The following ARHGAP24 variants were observed in gnomAD, a reference collection of about 807,000 sequenced individuals.
ARHGAP24 encodes Rho GTPase activating protein 24, also known as rho GTPase-activating protein 24.
In ARHGAP24, 50 loss-of-function variants were observed where a neutral mutation model predicts 76.4. The ratio of observed to expected loss-of-function variants is 0.65; its 90% confidence interval spans 0.52 to 0.83. The LOEUF is 0.83. Among genes scored for constraint, ARHGAP24 ranks in the 40% least tolerant of loss-of-function variants. ARHGAP24 has a pLI of 0.00. For missense variants in ARHGAP24, 930 were observed against 914.2 expected, an observed-to-expected ratio of 1.02 and a Z score of -0.22; for synonymous variants, 345 against 323.3, an observed-to-expected ratio of 1.07 and a Z score of -0.72.
chr4:85,700,618 G>A (rs975574545), intron 2 of ARHGAP24, among the ~76,000 whole-genome samples: 1 of 152,042 alleles, frequency 6.6e-6, no homozygotes, highest in African/African-American at 2.4e-5. Flanking sequence ...TGGTTAAAGA[G>A]CTTAGTTCTG....
At chr4:85,766,318 G>A (rs1415300894) in intron 3 of ARHGAP24, among the ~76,000 whole-genome samples, 3 of 152,222 alleles carry the variant, frequency 2.0e-5, no homozygotes, top group South Asian at 2.1e-4. Flanking sequence ...AGAATTTTCT[G>A]TACTTACATA....
intron 5 of ARHGAP24, among the ~76,000 whole-genome samples, chr4:85,965,146 A>G (rs1249994219): frequency 6.6e-6 from 1 of 152,002 alleles, no homozygotes; most frequent in African/African-American, 2.4e-5. Context: ...TTCATGGAGA[A>G]CTCACAGTTC....
At chr4:85,727,252 T>C (rs2110048682) in intron 3 of ARHGAP24, among the ~76,000 whole-genome samples, 1 of 152,078 alleles carries the variant, frequency 6.6e-6, no homozygotes, top group Non-Finnish European at 1.5e-5. Context: ...TGGAGCCTAT[T>C]TTCTGAAATA....
intron 2 of ARHGAP24, among the ~76,000 whole-genome samples, chr4:85,659,941 T>C (rs1722316720): frequency 6.6e-6 from 1 of 152,222 alleles, no homozygotes; most frequent in Non-Finnish European, 1.5e-5. Context: ...ATTCGTTCTC[T>C]GAAATAGCCT....
At chr4:85,503,013 A>G (rs1457119952) in intron 1 of ARHGAP24, among the ~76,000 whole-genome samples, 1 of 152,186 alleles carries the variant, frequency 6.6e-6, no homozygotes, top group South Asian at 2.1e-4. Flanking sequence ...TATGTGATGG[A>G]TTACAATTAT....
intron 3 of ARHGAP24, among the ~76,000 whole-genome samples, chr4:85,868,303 A>C (rs943364087): frequency 5.3e-5 from 8 of 152,108 alleles, no homozygotes; most frequent in Non-Finnish European, 1.0e-4. Flanking sequence ...TATGTAGATG[A>C]AGTCTCATAG....
rs368931506 is a variant in ARHGAP24, at chr4:85,804,053, G to C, written c.268+82081G>C. ...TGCACCCTCCGCCTCCTGGGTTCAA[G>C]GTACACTCCTGCTTCAGCCTCCTGA... is the stretch of plus-strand genomic sequence containing the variant. On this transcript the variant is annotated intron_variant, in intron 3 of 9. Transcript: ENST00000395184. 3.3e-4 allele frequency among the ~76,000 whole-genome samples: 50 copies of C among 151,876 alleles called. 2 individuals carry two copies. In the South Asian group the frequency reaches 0.01, roughly 32 times the overall value.
At chr4:85,848,814 T>C (rs1731043239) in intron 3 of ARHGAP24, among the ~76,000 whole-genome samples, 1 of 152,230 alleles carries the variant, frequency 6.6e-6, no homozygotes, top group South Asian at 2.1e-4. Context: ...ATATCTCTGT[T>C]TTGGTACCAG....
intron 3 of ARHGAP24, among the ~76,000 whole-genome samples, chr4:85,789,053 T>C (rs979838594): frequency 6.6e-6 from 1 of 152,030 alleles, no homozygotes. Context: ...AGCCCCTAGA[T>C]AGCTCCAGCA....
chr4:85,543,250 A>G (rs968372897), intron 1 of ARHGAP24, among the ~76,000 whole-genome samples: 1 of 152,182 alleles, frequency 6.6e-6, no homozygotes, highest in Non-Finnish European at 1.5e-5. Flanking sequence ...GCAGCTATTG[A>G]AAGTTTTGGA....
chr4:85,636,927 C>A (rs1721329368), intron 2 of ARHGAP24, among the ~76,000 whole-genome samples: 1 of 152,032 alleles, frequency 6.6e-6, no homozygotes, highest in South Asian at 2.1e-4. Flanking sequence ...ATAGACATGA[C>A]AAGCACTTAG....
chr4:85,706,302 T>C (rs541641906), intron 2 of ARHGAP24, among the ~76,000 whole-genome samples: 70 of 152,324 alleles, frequency 4.6e-4, no homozygotes, highest in Non-Finnish European at 7.8e-4. Flanking sequence ...TTAATAAAAA[T>C]ACATTTTGCT....
At chr4:85,830,051 A>G (rs1729912142) in intron 3 of ARHGAP24, among the ~76,000 whole-genome samples, 1 of 152,266 alleles carries the variant, frequency 6.6e-6, no homozygotes, top group Non-Finnish European at 1.5e-5. Flanking sequence ...CTCCTAGTTA[A>G]GGGGAAAGAT....
intron 5 of ARHGAP24, among the ~76,000 whole-genome samples, chr4:85,971,818 T>A (rs1739003441): frequency 6.6e-6 from 1 of 151,866 alleles, no homozygotes; most frequent in Non-Finnish European, 1.5e-5. Context: ...ATCATTCCAC[T>A]CTCACACTGA....
At chr4:85,881,518 C>G (rs1227433781) in intron 3 of ARHGAP24, among the ~76,000 whole-genome samples, 1 of 151,864 alleles carries the variant, frequency 6.6e-6, no homozygotes, top group Non-Finnish European at 1.5e-5. Flanking sequence ...TTCCGTTCAT[C>G]TCTTCAAGTC....
At chr4:85,593,427 G>A (rs1728197723) in intron 2 of ARHGAP24, among the ~76,000 whole-genome samples, 2 of 152,092 alleles carry the variant, frequency 1.3e-5, no homozygotes, top group African/African-American at 4.8e-5. Flanking sequence ...TTTGTTGATT[G>A]TATCCTTTGC....
intron 2 of ARHGAP24, among the ~76,000 whole-genome samples, chr4:85,668,042 T>C (rs1183522866): frequency 2.0e-5 from 3 of 152,192 alleles, no homozygotes; most frequent in Admixed American, 2.0e-4. Context: ...AGTTAGACAT[T>C]TCAAGGCTTA....
At chr4:85,713,062 C>T (rs1168479133) in intron 2 of ARHGAP24, among the ~76,000 whole-genome samples, 2 of 152,188 alleles carry the variant, frequency 1.3e-5, no homozygotes, top group Non-Finnish European at 2.9e-5. Context: ...CGTGAAGAGT[C>T]TGAGATGGGC....
At chr4:85,643,234 G>GTTTTT (rs70948741) in intron 2 of ARHGAP24, among the ~76,000 whole-genome samples, 7 of 54,632 alleles carry the variant, frequency 1.3e-4, no homozygotes, top group Non-Finnish European at 9.9e-5. Context: ...GTTTTTTTGT[G>GTTTTT]TTTTTTTTTT....
Sources: gnomAD v4.1 joint callset for allele counts (sites outside exome capture counted in the v4.1 genomes callset) on GRCh38, gnomAD v4.1.1 for gene constraint, MANE v1.5 for transcripts, NCBI Gene and HGNC (gene_info 2026-07-23, HGNC 2026-07-21) for gene names.